The following SLC40A1 variants were observed in gnomAD, a reference collection of about 807,000 sequenced individuals.
SLC40A1 encodes solute carrier family 40 member 1.
A neutral mutation model predicts 53.5 loss-of-function variants in SLC40A1; 16 were observed. The ratio of observed to expected loss-of-function variants is 0.30; its 90% CI spans 0.20 to 0.45. SLC40A1 has a LOEUF of 0.45. Ranked by LOEUF, SLC40A1 falls within the 20% of genes least tolerant of loss-of-function variation. The probability of loss-of-function intolerance (pLI) is 1.00; values close to 1 mark genes in which losing one functional copy is unlikely to be tolerated. For synonymous variants in SLC40A1, 247 were observed against 253.2 expected (o/e 0.98, Z 0.23); for missense variants, 545 against 695.4 (o/e 0.78, Z 2.43).
intron 2 of SLC40A1, among the ~76,000 whole-genome samples, chr2:189,576,928 C>T (rs549427910): frequency 6.6e-6 from 1 of 152,314 alleles, no homozygotes; most frequent in Non-Finnish European, 1.5e-5. Context: ...CTTTTTCTTG[C>T]ATGCCATACC....
intron 4 of SLC40A1, chr2:189,572,579 AAAAC>A (rs1354475391): frequency 7.6e-6 from 4 of 529,468 alleles, no homozygotes; most frequent in Non-Finnish European, 1.0e-5. Flanking sequence ...TAAAAAGCTG[AAAAC>A]AAACAACTGA....
chr2:189,561,051 T>C lies in SLC40A1; in HGVS notation c.*827A>G, dbSNP rs549021644. On this transcript the variant is annotated 3_prime_UTR_variant, in exon 8 of 8. Transcript: ENST00000261024. ...GCTGAAGGCTTACACCCTCATGTTCTACAACACAGATCACTAATGATGATA... is the reference window on the plus strand; with the variant it reads ...GCTGAAGGCTTACACCCTCATGTTCCACAACACAGATCACTAATGATGATA... The C allele has an allele frequency of 1.3e-5, 2 of 152,366 alleles. No individual in the cohort carries two copies. The highest frequency in any genetic ancestry group is 4.8e-5 in the African/African-American group (2 of 41,588). The allele number at this position is 152,366 out of a possible 1,614,324, so 9.4% of individuals were successfully genotyped here. A position where few individuals can be genotyped will look rare whatever the true frequency, so the allele number is the denominator to read the frequency against.
chr2:189,567,373 A>C (rs575535373), intron 5 of SLC40A1, among the ~76,000 whole-genome samples: 1 of 152,340 alleles, frequency 6.6e-6, no homozygotes, highest in East Asian at 1.9e-4. Context: ...AAGTTAAAAA[A>C]ATGTCCAACA....
chr2:189,571,652 A>G (rs2105628014), intron 5 of SLC40A1, 63 bp downstream of exon 5: 1 of 1,585,810 alleles, frequency 6.3e-7, no homozygotes, highest in East Asian at 2.3e-5. Flanking sequence ...AGCCTCATTT[A>G]TCACCACCGA....
rs558984326 is a variant in SLC40A1 at position 189,578,148 on chromosome 2, C to T, written c.111+1665G>A. 4.7e-4 allele frequency: 428 copies of T among 917,312 alleles called. 3 individuals are homozygous for T. Among genetic ancestry groups the T allele is most frequent in the Admixed American group, 1.4e-3 (23 of 16,206 alleles). 56.8% of individuals were successfully genotyped at this position (917,312 alleles called of 1,614,324 possible). ...TATACACACACACATAATACAGAAA[C>T]ATAAATGTTTTGTTGTAACAAAATC... On this transcript the variant is annotated intron_variant, in intron 2 of 7. Transcript: ENST00000261024.
intron 7 of SLC40A1, 52 bp downstream of exon 7, chr2:189,563,532 A>G (rs1047772766): frequency 7.5e-5 from 115 of 1,526,400 alleles, no homozygotes; most frequent in Middle Eastern, 5.2e-4. Context: ...CTCTGAACCT[A>G]CATTACAAAA....
Position 189,568,845 on chromosome 2 carries a change from G to T in SLC40A1, c.514+2870C>A, listed in dbSNP as rs2031033751. Among the ~76,000 whole-genome samples, 4 of 152,118 alleles carry T rather than the reference G, an allele frequency of 2.6e-5. No individual in the cohort carries two copies. In the South Asian group the frequency reaches 8.3e-4, roughly 31 times the overall value. ...TAACTGGCAGATTATTTTTTAGCAT[G>T]ATGGGCAAGAAAAATCTCAGAAGAT... On this transcript the variant is annotated intron_variant, in intron 5 of 7. Transcript: ENST00000261024.
intron 2 of SLC40A1, among the ~76,000 whole-genome samples, chr2:189,575,754 T>C (rs2031268891): frequency 6.6e-6 from 1 of 152,192 alleles, no homozygotes; most frequent in African/African-American, 2.4e-5. Context: ...TTAGTATACC[T>C]TGAGCATCAA....
At chr2:189,575,389 G>A (rs1484051181) in intron 2 of SLC40A1, 69 bp from the exon 3 acceptor site, 2 of 1,533,418 alleles carry the variant, frequency 1.3e-6, no homozygotes, top group East Asian at 4.5e-5. Context: ...TCAGGAAGTT[G>A]CTTCCTTATC....
In SLC40A1 at chr2:189,580,618, CAAAAG is replaced by C. The variant is rs2105637448; in HGVS notation, c.-163_-159del. On this transcript the variant is annotated 5_prime_UTR_variant, in exon 1 of 8. Transcript: ENST00000261024. ...CTACAACGACGACTTTGGCAAAGAA[CAAAAG>C]AAAAGGGGCCCAGGGATTTTCTTTT... 6.5e-7 allele frequency: 1 copy of C among 1,544,046 alleles called. No individual in the cohort carries two copies. The highest frequency in any genetic ancestry group is 1.2e-5 in the South Asian group (1 of 85,582).
At chr2:189,567,219 A>G (rs1244881632) in intron 5 of SLC40A1, among the ~76,000 whole-genome samples, 1 of 152,202 alleles carries the variant, frequency 6.6e-6, no homozygotes, top group Non-Finnish European at 1.5e-5. Flanking sequence ...AAGTTGGTGG[A>G]AAGACAGAAG....
chr2:189,571,334 T>C (rs947695785), intron 5 of SLC40A1, among the ~76,000 whole-genome samples: 2 of 152,024 alleles, frequency 1.3e-5, no homozygotes, highest in African/African-American at 4.8e-5. Flanking sequence ...ATAACATCCA[T>C]ATGATTGATA....
chr2:189,579,658 G>A (rs973934856), intron 2 of SLC40A1, among the ~76,000 whole-genome samples, 155 bp downstream of exon 2: 1 of 152,152 alleles, frequency 6.6e-6, no homozygotes, highest in Non-Finnish European at 1.5e-5. Flanking sequence ...AAAGATCTTC[G>A]ATGTAAATAA....
intron 6 of SLC40A1, among the ~76,000 whole-genome samples, chr2:189,564,569 G>A (rs370067606): frequency 7.2e-5 from 11 of 152,108 alleles, no homozygotes; most frequent in South Asian, 2.1e-4. Context: ...GGCCAGGCAC[G>A]GTGGCTCACA....
At chr2:189,568,561 T>C (rs2031010323) in intron 5 of SLC40A1, among the ~76,000 whole-genome samples, 2 of 152,214 alleles carry the variant, frequency 1.3e-5, no homozygotes, top group South Asian at 4.1e-4. Flanking sequence ...TATGCAAATA[T>C]ACGCTCTTTA....
rs2031131797 is a variant in SLC40A1 at position 189,571,721 on chromosome 2, G to A, written c.508C>T (p.Leu170=). 8 of 1,611,790 alleles carry A rather than the reference G, an allele frequency of 5.0e-6. No individual in the cohort carries two copies. The highest frequency in any genetic ancestry group is 6.8e-6 in the Non-Finnish European group (8 of 1,178,054). ...VVVAGEDRSK[L]ANMNATIRRI... ...AAAGAGAAAGCCAAATTACTTGCTA[G>A]TTTGCTTCTGTCTTCTCCTGCAACA... The change falls in exon 5 of 8, where the codon CTA becomes TTA. Residue 170 remains leucine (L), a synonymous_variant. Coordinates refer to ENST00000261024, the MANE Select transcript of SLC40A1 (RefSeq NM_014585.6).
At chr2:189,578,293 T>C (rs963278731) in intron 2 of SLC40A1, 58 of 1,002,204 alleles carry the variant, frequency 5.8e-5, no homozygotes, top group Non-Finnish European at 6.4e-5. Context: ...CCTTATATGA[T>C]TGTAGTTGCT....
intron 7 of SLC40A1, among the ~76,000 whole-genome samples, chr2:189,563,284 A>G (rs1341804351): frequency 6.6e-6 from 1 of 150,668 alleles, no homozygotes; most frequent in Admixed American, 6.6e-5. Context: ...TCAAAAAAAA[A>G]AAAACAAAAA....
chr2:189,563,514 A>G (rs2030822200), intron 7 of SLC40A1, 70 bp downstream of exon 7: 2 of 1,406,998 alleles, frequency 1.4e-6, no homozygotes, highest in Admixed American at 4.1e-5. Context: ...ATCATTTATT[A>G]ATGGATTCTC....
Sources: gnomAD v4.1 joint callset for allele counts (sites outside exome capture counted in the v4.1 genomes callset) on GRCh38, gnomAD v4.1.1 for gene constraint, MANE v1.5 for transcripts, NCBI Gene and HGNC (gene_info 2026-07-23, HGNC 2026-07-21) for gene names.